TMEM37: variants seen among roughly 807,000 people sequenced by gnomAD.
TMEM37 encodes transmembrane protein 37.
Under a neutral mutation model 11.0 loss-of-function variants are expected in TMEM37, and 12 were observed. The ratio of observed to expected loss-of-function variants is 1.09; its 90% CI spans 0.70 to 1.76. TMEM37 has a LOEUF of 1.76. TMEM37 is among the 40% of genes most tolerant of loss of function. The pLI, the probability that TMEM37 is intolerant of heterozygous loss-of-function variation, is 0.00. For missense variants in TMEM37, 203 were observed against 251.2 expected, an observed-to-expected ratio of 0.81 and a Z score of 1.30; for synonymous variants, 127 against 110.5, an observed-to-expected ratio of 1.15 and a Z score of -0.94.
chr2:119,433,504 G>A (rs1682443255), intron 1 of TMEM37, among the ~76,000 whole-genome samples: 2 of 152,118 alleles, frequency 1.3e-5, no homozygotes, highest in African/African-American at 2.4e-5. Flanking sequence ...GAATGAGTTG[G>A]GAGGAGCTTA....
chr2:119,432,925 AC>A (rs1389316742), intron 1 of TMEM37, among the ~76,000 whole-genome samples: 2 of 151,938 alleles, frequency 1.3e-5, no homozygotes, highest in African/African-American at 4.8e-5. Flanking sequence ...CCCACAGGAC[AC>A]CCCCAAAACC....
chr2:119,434,800 G>C (rs1682467892), intron 1 of TMEM37, among the ~76,000 whole-genome samples: 1 of 152,110 alleles, frequency 6.6e-6, no homozygotes, highest in African/African-American at 2.4e-5. Context: ...CCTCCCCTTT[G>C]TTCTGGGACA....
chr2:119,434,642 C>T (rs939703588), intron 1 of TMEM37, among the ~76,000 whole-genome samples: 1 of 152,114 alleles, frequency 6.6e-6, no homozygotes, highest in Non-Finnish European at 1.5e-5. Context: ...GAACCACAGC[C>T]CATACTCTTA....
upstream of TMEM37, chr2:119,430,182 C>G: frequency 1.6e-6 from 1 of 641,894 alleles, no homozygotes; most frequent in Non-Finnish European, 2.8e-6. Flanking sequence ...AGGGAAGGCC[C>G]CAGAGCAGAG....
chr2:119,437,137 G>A lies in TMEM37; in HGVS notation c.270G>A (p.Leu90=), dbSNP rs763006292. Residue 90 remains leucine (L), a synonymous_variant, in exon 2 of 2, where the codon CTG becomes CTA. Transcript: ENST00000306406. ...CCGGGCTGGCCGTGGGCATGGGCCT[G>A]GTACGCAGCGTGGGCGCCTTGGCCG... ...HVPGLAVGMG[L]VRSVGALAVV... 1 of 1,614,200 alleles carries A rather than the reference G, an allele frequency of 6.2e-7. No individual in the cohort carries two copies. Among genetic ancestry groups the A allele is most frequent in the Admixed American group, 1.7e-5 (1 of 60,036 alleles).
At chr2:119,429,905 CTG>C, upstream of TMEM37, 1 of 1,549,566 alleles carries the variant, frequency 6.5e-7, no homozygotes, top group Non-Finnish European at 8.7e-7. Context: ...ACACACGAAA[CTG>C]GAGAAGGCAG....
Position 119,437,108 on chromosome 2 carries a change from G to A in TMEM37, c.241G>A (p.Val81Met), listed in dbSNP as rs1682514465. The change falls in exon 2 of 2, where the codon GTG (valine) becomes ATG (methionine). Residue 81 changes from valine to methionine, a missense_variant. By Grantham distance (21) the Val-to-Met change is conservative. Transcript: ENST00000306406. Reference protein sequence around the residue: ...ICFRDLGQAHVPGLAVGMGLV... With the variant: ...ICFRDLGQAHMPGLAVGMGLV... ...CTTCAGAGACCTGGGCCAGGCCCATGTGCCCGGGCTGGCCGTGGGCATGGG... is the reference window on the plus strand; with the variant it reads ...CTTCAGAGACCTGGGCCAGGCCCATATGCCCGGGCTGGCCGTGGGCATGGG... The A allele has an allele frequency of 3.1e-6, 5 of 1,613,958 alleles. No homozygotes were observed. The African/African-American group carries it at 5.3e-5, about 17-fold the overall frequency.
rs765597209 is a variant in TMEM37, at chr2:119,437,307, T to A, written c.440T>A (p.Ile147Asn). ...TCCGGCGGGCTCCTGGGTTTTGTGATCCTCCTCAGGAACCAAGTCACACTC... is the reference window on the plus strand; with the variant it reads ...TCCGGCGGGCTCCTGGGTTTTGTGAACCTCCTCAGGAACCAAGTCACACTC... Reference protein sequence around the residue: ...LSSGGLLGFVILLRNQVTLIG... With the variant: ...LSSGGLLGFVNLLRNQVTLIG... Residue 147 changes from isoleucine to asparagine, a missense_variant, in exon 2 of 2, where the codon ATC (isoleucine) becomes AAC (asparagine). Physicochemically the swap from Ile to Asn is moderately radical, Grantham distance 149. Coordinates refer to ENST00000306406, the MANE Select transcript of TMEM37 (RefSeq NM_183240.3). 1 of 1,614,194 alleles carries A rather than the reference T, an allele frequency of 6.2e-7. No individual in the cohort carries two copies. The highest frequency in any genetic ancestry group is 8.5e-7 in the Non-Finnish European group (1 of 1,180,034).
At chr2:119,432,187 C>T (rs1166694756) in intron 1 of TMEM37, 10 of 364,752 alleles carry the variant, frequency 2.7e-5, no homozygotes, top group Non-Finnish European at 4.9e-5. Flanking sequence ...TTGCAAGCAC[C>T]CGAGGCTCCC....
chr2:119,431,845 G>C (rs1193762978), upstream of TMEM37: 2 of 1,229,136 alleles, frequency 1.6e-6, no homozygotes, highest in East Asian at 3.3e-5. Flanking sequence ...GGCTGGCGCC[G>C]GCGGCCACAG....
chr2:119,433,569 T>C (rs1190313864), intron 1 of TMEM37, among the ~76,000 whole-genome samples: 1 of 152,122 alleles, frequency 6.6e-6, no homozygotes, highest in Non-Finnish European at 1.5e-5. Context: ...CCCTGGGTTA[T>C]AGGAGGAAGA....
chr2:119,432,503 C>G (rs1440084410), intron 1 of TMEM37, among the ~76,000 whole-genome samples: 1 of 152,084 alleles, frequency 6.6e-6, no homozygotes, highest in Non-Finnish European at 1.5e-5. Context: ...AAGCCCGTGT[C>G]TCCGAAGATT....
chr2:119,431,912 C>G lies in TMEM37; in HGVS notation c.9C>G (p.Ala3=), dbSNP rs976018572. The G allele has an allele frequency of 9.3e-5, 114 of 1,225,518 alleles. 1 individual carries two copies. The Middle Eastern group carries it at 1.6e-3, about 17-fold the overall frequency. 75.9% of individuals were successfully genotyped at this position (1,225,518 alleles called of 1,614,324 possible). MT[A]VGVQAQRPLG... ...CGGCCGCCGGGCGCAGCATGACTGC[C>G]GTCGGCGTGCAGGTAGCCGGCGCCT... Residue 3 remains alanine (A), a synonymous_variant, in exon 1 of 2, where the codon GCC becomes GCG. Coordinates refer to ENST00000306406, the MANE Select transcript of TMEM37 (RefSeq NM_183240.3).
At chr2:119,431,721 C>A (rs1232719637), upstream of TMEM37, 1 of 448,480 alleles carries the variant, frequency 2.2e-6, no homozygotes, top group Non-Finnish European at 3.5e-6. Flanking sequence ...TAATCCGAGC[C>A]GCGGAGGGCG....
chr2:119,431,418 A>T (rs1573761695), upstream of TMEM37, among the ~76,000 whole-genome samples: 1 of 152,110 alleles, frequency 6.6e-6, no homozygotes, highest in Non-Finnish European at 1.5e-5. Flanking sequence ...CCAAGGTCAC[A>T]CCGCAGAGTG....
chr2:119,432,712 C>T (rs1396062294), intron 1 of TMEM37, among the ~76,000 whole-genome samples: 1 of 152,146 alleles, frequency 6.6e-6, no homozygotes, highest in African/African-American at 2.4e-5. Context: ...TAGAGAGGCC[C>T]GTTGACTTCG....
In TMEM37 at chr2:119,437,029, G is replaced by A. The variant is rs1404803956; in HGVS notation, c.162G>A (p.Glu54=). 2 of 1,614,018 alleles carry A rather than the reference G, an allele frequency of 1.2e-6. No individual in the cohort carries two copies. Residue 54 remains glutamate, a synonymous_variant, in exon 2 of 2, where the codon GAG becomes GAA. Transcript: ENST00000306406. The part of the protein sequence containing the change: ...SICDGHWLLA[E]DRLFGLWHFC... Reference sequence around the variant, plus strand: ...GTGATGGGCACTGGCTCCTGGCTGAGGACCGCCTCTTCGGGCTCTGGCACT... The same window carrying A: ...GTGATGGGCACTGGCTCCTGGCTGAAGACCGCCTCTTCGGGCTCTGGCACT...
intron 1 of TMEM37, 196 bp downstream of exon 1, chr2:119,432,120 G>C (rs924847920): frequency 2.6e-6 from 1 of 382,662 alleles, no homozygotes; most frequent in Admixed American, 4.6e-5. Context: ...CGGGGGGCCT[G>C]CCTGCCTCAC....
chr2:119,435,589 C>CA (rs1382271107), intron 1 of TMEM37, among the ~76,000 whole-genome samples: 16 of 152,216 alleles, frequency 1.1e-4, no homozygotes, highest in Admixed American at 1.0e-3. Flanking sequence ...ACTTATCTCA[C>CA]AGCTCTCCCT....
Sources: allele counts gnomAD v4.1 joint callset (sites outside exome capture counted in the v4.1 genomes callset), GRCh38; gene constraint gnomAD v4.1.1; transcripts MANE v1.5; gene names NCBI Gene and HGNC (gene_info 2026-07-23, HGNC 2026-07-21).